Variants in PARD3B observed in about 807,000 individuals in gnomAD.
PARD3B encodes partitioning defective 3 homolog B.
Under a neutral mutation model 130.2 loss-of-function variants are expected in PARD3B, and 103 were observed. The ratio of observed to expected loss-of-function variants is 0.79; its 90% CI spans 0.67 to 0.93. The LOEUF (loss-of-function observed/expected upper bound fraction) is 0.93. Among genes scored for constraint, PARD3B ranks in the 40% least tolerant of loss-of-function variants. The probability of loss-of-function intolerance (pLI) is 0.00; values close to 1 mark genes in which losing one functional copy is unlikely to be tolerated. For missense variants in PARD3B, 1,609 were observed against 1,499.2 expected, an observed-to-expected ratio of 1.07 and a Z score of -1.21; for synonymous variants, 583 against 553.2, an observed-to-expected ratio of 1.05 and a Z score of -0.76.
At chr2:204,883,455 A>ATATATATATATT (rs1377428928) in intron 2 of PARD3B, among the ~76,000 whole-genome samples, 2 of 77,280 alleles carry the variant, frequency 2.6e-5, no homozygotes, top group South Asian at 4.1e-4. Flanking sequence ...ATATATATAT[A>ATATATATATATT]TTTTTTTTTT....
intron 20 of PARD3B, among the ~76,000 whole-genome samples, chr2:205,484,016 A>T (rs975470528): frequency 6.6e-6 from 1 of 152,184 alleles, no homozygotes; most frequent in African/African-American, 2.4e-5. Context: ...CAAATGAGGA[A>T]CTAATGACAT....
intron 1 of PARD3B, among the ~76,000 whole-genome samples, chr2:204,636,525 C>T (rs2034884521): frequency 6.7e-6 from 1 of 150,374 alleles, no homozygotes; most frequent in South Asian, 2.1e-4. Context: ...AGAACAGGGT[C>T]CTTTTCTTTC....
rs895959011 is a variant in PARD3B, at chr2:205,562,662, G to A, written c.3260+9259G>A. ...AAGGTTGTTTTGTGCCTAGGCATCT[G>A]CTTAGAGTATTGCTCTATATCTCAT... On this transcript the variant is annotated intron_variant, in intron 22 of 22. Transcript: ENST00000406610. The surrounding 1 kb of genome is among the most constrained non-coding windows in gnomAD (Gnocchi z 5.4). Among the ~76,000 whole-genome samples the A allele has an allele frequency of 6.6e-6, 1 of 152,208 alleles. No individual in the cohort carries two copies. Among genetic ancestry groups the A allele is most frequent in the Admixed American group, 6.5e-5 (1 of 15,284 alleles).
chr2:205,056,503 G>A (rs896838421), intron 4 of PARD3B, among the ~76,000 whole-genome samples: 4 of 151,814 alleles, frequency 2.6e-5, no homozygotes, highest in Admixed American at 6.6e-5. Context: ...TTAAATGATC[G>A]TAGGGACATC....
In PARD3B at chr2:204,681,437, A is replaced by G. The variant is rs188116448; in HGVS notation, c.121-4744A>G. Among the ~76,000 whole-genome samples, 3 of 152,294 alleles carry G rather than the reference A, an allele frequency of 2.0e-5. No homozygotes were observed. The East Asian group carries it at 5.8e-4, about 29-fold the overall frequency. On this transcript the variant is annotated intron_variant, in intron 1 of 22. Transcript: ENST00000406610. ...AATTCTTTGGAAACATACTGTAGTT[A>G]ATTCAAACAGCCTCAGCCCATGTTC...
chr2:205,330,887 C>T (rs1158969229), intron 18 of PARD3B, among the ~76,000 whole-genome samples: 1 of 152,170 alleles, frequency 6.6e-6, no homozygotes, highest in Non-Finnish European at 1.5e-5. Flanking sequence ...TTAGTCGTTT[C>T]TCCTAAAGCA....
intron 1 of PARD3B, among the ~76,000 whole-genome samples, chr2:204,554,741 G>A (rs575069626): frequency 6.6e-6 from 1 of 151,896 alleles, no homozygotes; most frequent in East Asian, 1.9e-4. Context: ...TTCTACTGAA[G>A]ATCTTCCAAT....
chr2:205,113,438 C>T (rs2125597825), intron 5 of PARD3B, 53 bp from the exon 6 acceptor site: 1 of 1,241,576 alleles, frequency 8.1e-7, no homozygotes. Flanking sequence ...TAGATGTGCT[C>T]CCTCTGTTTT....
chr2:204,793,324 C>G (rs953146267), intron 2 of PARD3B, among the ~76,000 whole-genome samples: 1 of 152,064 alleles, frequency 6.6e-6, no homozygotes, highest in South Asian at 2.1e-4. Flanking sequence ...AGAGTCTCAG[C>G]CTTTCTTGAA....
intron 2 of PARD3B, among the ~76,000 whole-genome samples, chr2:204,874,002 G>A (rs1314543895): frequency 6.6e-6 from 1 of 152,068 alleles, no homozygotes; most frequent in Admixed American, 6.6e-5. Flanking sequence ...AATAAGCTGG[G>A]CATGGTGGCG....
Position 205,309,269 on chromosome 2 carries a change from C to G in PARD3B, c.2630+7568C>G, listed in dbSNP as rs2042292777. 6.6e-6 allele frequency among the ~76,000 whole-genome samples: 1 copy of G among 152,158 alleles called. No homozygotes were observed. The highest frequency in any genetic ancestry group is 2.1e-4 in the South Asian group (1 of 4,816). On this transcript the variant is annotated intron_variant, in intron 18 of 22. Coordinates refer to ENST00000406610, the MANE Select transcript of PARD3B (RefSeq NM_001302769.2). The surrounding 1 kb of genome is among the most constrained non-coding windows in gnomAD (Gnocchi z 4.7). Reference sequence around the variant, plus strand: ...AGGTGATTGGATCAACTCTGTTCCTCCTACCTCATCAGCTGGATATTCTTT... The same window carrying G: ...AGGTGATTGGATCAACTCTGTTCCTGCTACCTCATCAGCTGGATATTCTTT...
chr2:204,940,351 G>A (rs942301790), intron 2 of PARD3B, among the ~76,000 whole-genome samples: 1 of 152,162 alleles, frequency 6.6e-6, no homozygotes, highest in African/African-American at 2.4e-5. Flanking sequence ...AGAGTTAAAG[G>A]GATAAATCAG....
chr2:205,238,960 T>C (rs1178774247), intron 15 of PARD3B, among the ~76,000 whole-genome samples: 1 of 145,286 alleles, frequency 6.9e-6, no homozygotes, highest in Non-Finnish European at 1.5e-5. Context: ...ATATATCTGA[T>C]GTGCTAGAGT....
chr2:205,022,993 A>T (rs1199698047), intron 3 of PARD3B, among the ~76,000 whole-genome samples: 2 of 152,192 alleles, frequency 1.3e-5, no homozygotes. Context: ...AACCCAATTA[A>T]TAGCAACTGA....
intron 16 of PARD3B, among the ~76,000 whole-genome samples, chr2:205,289,809 G>A (rs1050950985): frequency 5.3e-5 from 8 of 152,122 alleles, no homozygotes; most frequent in African/African-American, 1.9e-4. Context: ...AGCTAGTTTG[G>A]CCATCTGTCA....
chr2:205,205,874 C>T (rs1166190398), intron 15 of PARD3B, among the ~76,000 whole-genome samples: 15 of 152,100 alleles, frequency 9.9e-5, no homozygotes, highest in South Asian at 2.1e-4. Context: ...ATTTTTGCAT[C>T]GATGTTCTTC....
intron 3 of PARD3B, among the ~76,000 whole-genome samples, chr2:205,026,927 T>G (rs1337510074): frequency 6.6e-6 from 1 of 152,194 alleles, no homozygotes; most frequent in Non-Finnish European, 1.5e-5. Flanking sequence ...AATTCATCAG[T>G]GGACACCGAG....
At chr2:205,499,333 T>G (rs1268324309) in intron 20 of PARD3B, among the ~76,000 whole-genome samples, 2 of 150,942 alleles carry the variant, frequency 1.3e-5, no homozygotes, top group Admixed American at 6.6e-5. Flanking sequence ...AAAAAAAAAC[T>G]TTCTTACTGT....
At chr2:204,962,269 A>C (rs79713153) in intron 2 of PARD3B, among the ~76,000 whole-genome samples, 2 of 152,140 alleles carry the variant, frequency 1.3e-5, no homozygotes, top group South Asian at 2.1e-4. Flanking sequence ...GACCAGAAGG[A>C]GAGAGAAGGC....
Sources: gnomAD v4.1 joint callset for allele counts (sites outside exome capture counted in the v4.1 genomes callset) on GRCh38, gnomAD v4.1.1 for gene constraint, Gnocchi (gnomAD v3.1) non-coding constraint, MANE v1.5 for transcripts, NCBI Gene and HGNC (gene_info 2026-07-23, HGNC 2026-07-21) for gene names.